The following CHODL variants were observed in gnomAD, a reference collection of about 807,000 sequenced individuals.
CHODL encodes the protein chondrolectin.
A neutral mutation model predicts 34.5 loss-of-function variants in CHODL; 29 were observed. That is an observed-to-expected ratio of 0.84 (90% confidence interval 0.63 to 1.15). The LOEUF (loss-of-function observed/expected upper bound fraction) is 1.15, where lower values mean the gene tolerates loss of function less well. CHODL is among the 50% of genes most tolerant of loss of function. The pLI is 0.00. For synonymous variants in CHODL, 125 were observed against 116.1 expected, an observed-to-expected ratio of 1.08 and a Z score of -0.49; for missense variants, 332 against 332.5, an observed-to-expected ratio of 1.00 and a Z score of 0.01.
intron 2 of CHODL, among the ~76,000 whole-genome samples, chr21:18,157,624 A>C (rs2073049424): frequency 6.6e-6 from 1 of 152,240 alleles, no homozygotes; most frequent in Non-Finnish European, 1.5e-5. Flanking sequence ...ATGTGAGCAA[A>C]AAATGCCATA....
rs1385278724 is a variant in CHODL, at chr21:18,262,775, C to T, written c.635-16C>T. The stretch of plus-strand genomic sequence containing the variant: ...CCTCAACTATCTTTTCACATGAAGA[C>T]TGTTTTATTTTGTAGGTATAATTCC... On this transcript the variant is annotated splice_polypyrimidine_tract_variant and intron_variant, in intron 4 of 5. Transcript: ENST00000299295. The T allele has an allele frequency of 6.7e-6, 9 of 1,336,264 alleles. No individual in the cohort carries two copies. The highest frequency in any genetic ancestry group is 2.9e-5 in the African/African-American group (2 of 69,192). The allele number at this position is 1,336,264 out of a possible 1,614,324, so 82.8% of individuals were successfully genotyped here. A position where few individuals can be genotyped will look rare whatever the true frequency, so the allele number is the denominator to read the frequency against.
In CHODL at chr21:18,254,134, CT is replaced by C. The variant is rs34046207; in HGVS notation, c.80-2364del. 4.0e-3 allele frequency among the ~76,000 whole-genome samples: 581 copies of C among 145,216 alleles called. 4 individuals carry two copies. Among genetic ancestry groups the C allele is most frequent in the Non-Finnish European group, 6.1e-3 (398 of 65,728 alleles). ...GTAATTAAAGTACAAAGTTTGAATGCTTTTTTTTTTTGCCAGTATTTAAATA... is the reference window on the plus strand; with the variant it reads ...GTAATTAAAGTACAAAGTTTGAATGCTTTTTTTTTTGCCAGTATTTAAATA... On this transcript the variant is annotated intron_variant, in intron 1 of 5. Coordinates refer to ENST00000299295, the MANE Select transcript of CHODL (RefSeq NM_024944.3).
chr21:18,248,635 CATATATGTATATATTATATACAT>C (rs1267614974), intron 1 of CHODL, among the ~76,000 whole-genome samples: 2 of 121,008 alleles, frequency 1.7e-5, no homozygotes, highest in African/African-American at 6.5e-5. Flanking sequence ...ATATATAATA[CATATATGTATATATTATATACAT>C]ATATATGTAT....
intron 2 of CHODL, among the ~76,000 whole-genome samples, chr21:18,097,667 CA>C (rs1466678251): frequency 7.2e-5 from 11 of 152,186 alleles, no homozygotes; most frequent in South Asian, 6.2e-4. Context: ...AGAGTCAATG[CA>C]ATCTCCATCA....
At chr21:18,220,070 A>T (rs1251680798) in intron 2 of CHODL, among the ~76,000 whole-genome samples, 1 of 152,214 alleles carries the variant, frequency 6.6e-6, no homozygotes, top group Non-Finnish European at 1.5e-5. Context: ...TTCAGGTCTT[A>T]CATTTAAGTT....
chr21:17,961,957 T>C (rs1334876994), intron 1 of CHODL, among the ~76,000 whole-genome samples: 1 of 152,148 alleles, frequency 6.6e-6, no homozygotes, highest in East Asian at 1.9e-4. Context: ...TCAAAAGGGC[T>C]TGAGATGTTA....
At chr21:18,113,022 CAG>C (rs1200283271) in intron 2 of CHODL, among the ~76,000 whole-genome samples, 1 of 152,132 alleles carries the variant, frequency 6.6e-6, no homozygotes, top group Non-Finnish European at 1.5e-5. Flanking sequence ...TCCCCTCTGA[CAG>C]GGTATAAATA....
upstream of CHODL, among the ~76,000 whole-genome samples, chr21:18,240,594 A>T (rs2074072430): frequency 6.6e-6 from 1 of 152,160 alleles, no homozygotes; most frequent in African/African-American, 2.4e-5. Flanking sequence ...TTGTTTGATT[A>T]TCTCAATTTT....
rs58063327 is a variant in CHODL at position 18,266,533 on chromosome 21, CTT to C, written c.*496_*497del. 0.13 allele frequency: 20,306 copies of C among 160,224 alleles called. 1,357 individuals are homozygous for C. Among genetic ancestry groups the C allele is most frequent in the Middle Eastern group, 0.18 (55 of 302 alleles). The allele number at this position is 160,224 out of a possible 1,614,324, so 9.9% of individuals were successfully genotyped here. A position where few individuals can be genotyped will look rare whatever the true frequency, so the allele number is the denominator to read the frequency against. On this transcript the variant is annotated 3_prime_UTR_variant, in exon 6 of 6. Coordinates refer to ENST00000299295, the MANE Select transcript of CHODL (RefSeq NM_024944.3). Reference sequence around the variant, plus strand: ...ATACATGCTCTTTTGATTAAAGAAACTTATTACTGTTGTCAACTGAATTCACA... The same window carrying C: ...ATACATGCTCTTTTGATTAAAGAAACATTACTGTTGTCAACTGAATTCACA...
chr21:18,007,018 G>A (rs157749), intron 1 of CHODL, among the ~76,000 whole-genome samples: 62,627 of 152,096 alleles, frequency 0.41, 15,800 homozygotes, highest in African/African-American at 0.72. Flanking sequence ...ATCATTAAAC[G>A]TAAGTATATT....
intron 2 of CHODL, among the ~76,000 whole-genome samples, chr21:18,120,635 T>C (rs1472764487): frequency 2.0e-5 from 3 of 152,208 alleles, no homozygotes; most frequent in African/African-American, 7.2e-5. Flanking sequence ...TGTACATATA[T>C]ACAAAATATG....
At chr21:17,922,045 A>G (rs1161567291) in intron 1 of CHODL, among the ~76,000 whole-genome samples, 2 of 152,206 alleles carry the variant, frequency 1.3e-5, no homozygotes, top group African/African-American at 4.8e-5. Context: ...AGTTAAGTTC[A>G]TGTTCAACTT....
At chr21:18,028,425 G>A (rs1431412042) in intron 2 of CHODL, among the ~76,000 whole-genome samples, 2 of 151,402 alleles carry the variant, frequency 1.3e-5, no homozygotes, top group African/African-American at 4.9e-5. Flanking sequence ...GGTTGGGCAC[G>A]GTGGCTCACG....
chr21:17,938,542 G>A (rs938534189), intron 1 of CHODL, among the ~76,000 whole-genome samples: 1 of 121,502 alleles, frequency 8.2e-6, no homozygotes, highest in Non-Finnish European at 1.6e-5. Context: ...GCAGTGGCTC[G>A]ATCTCGGCTC....
At chr21:18,005,146 C>T (rs1049571305) in intron 1 of CHODL, among the ~76,000 whole-genome samples, 5 of 152,208 alleles carry the variant, frequency 3.3e-5, no homozygotes, top group Admixed American at 6.5e-5. Flanking sequence ...AGAGCCTGAA[C>T]GCTGTGGCCA....
chr21:18,233,894 C>T (rs1027062150), intron 2 of CHODL, among the ~76,000 whole-genome samples: 3 of 151,960 alleles, frequency 2.0e-5, no homozygotes, highest in Admixed American at 6.6e-5. Flanking sequence ...ATATTCCAAC[C>T]GTAACTTCTT....
intron 2 of CHODL, among the ~76,000 whole-genome samples, chr21:18,107,463 A>C (rs750761880): frequency 9.2e-5 from 14 of 152,374 alleles, no homozygotes; most frequent in African/African-American, 2.6e-4. Flanking sequence ...AGTGGCAACT[A>C]TACCAGGCCA....
At chr21:18,014,837 C>A (rs1440486328) in intron 1 of CHODL, among the ~76,000 whole-genome samples, 1 of 152,184 alleles carries the variant, frequency 6.6e-6, no homozygotes, top group Non-Finnish European at 1.5e-5. Flanking sequence ...AACCACTTTT[C>A]TTTATAAATT....
chr21:18,240,777 TATATTTATATGATTCTTTAGATCTG>T (rs1338750488), upstream of CHODL, among the ~76,000 whole-genome samples: 1 of 152,168 alleles, frequency 6.6e-6, no homozygotes, highest in Non-Finnish European at 1.5e-5. Context: ...AACATGCACA[TATATTTATATGATTCTTTAGATCTG>T]ATAGGATATA....
Sources: gnomAD v4.1 joint callset for allele counts (sites outside exome capture counted in the v4.1 genomes callset) on GRCh38, gnomAD v4.1.1 for gene constraint, MANE v1.5 for transcripts, NCBI Gene and HGNC (gene_info 2026-07-23, HGNC 2026-07-21) for gene names.